PHF20: variants seen among roughly 807,000 people sequenced by gnomAD.
PHF20 encodes the protein PHD finger protein 20, also known as glioma-expressed antigen 2.
In PHF20, 23 loss-of-function variants were observed where a neutral mutation model predicts 113.5. The observed-to-expected ratio is 0.20, with a 90% CI of 0.15 to 0.29. PHF20 has a LOEUF of 0.29. PHF20 is among the 10% of genes least tolerant of loss of function. The pLI is 1.00. For missense variants in PHF20, 943 were observed against 1,219.6 expected, an observed-to-expected ratio of 0.77 and a Z score of 3.38; for synonymous variants, 434 against 457.3, an observed-to-expected ratio of 0.95 and a Z score of 0.65.
intron 10 of PHF20, among the ~76,000 whole-genome samples, chr20:35,907,573 A>C (rs1471921313): frequency 6.6e-6 from 1 of 152,208 alleles, no homozygotes; most frequent in African/African-American, 2.4e-5. Flanking sequence ...CTGACATTTG[A>C]GTACTTCATG....
intron 2 of PHF20, among the ~76,000 whole-genome samples, chr20:35,826,986 T>C (rs1323324687): frequency 6.6e-6 from 1 of 152,226 alleles, no homozygotes; most frequent in East Asian, 1.9e-4. Context: ...GTCAGCCTTT[T>C]GTTTTTTACT....
chr20:35,927,743 C>T (rs4525765), intron 13 of PHF20, 37 bp from the exon 14 acceptor site: 6 of 1,518,564 alleles, frequency 4.0e-6, no homozygotes, highest in Non-Finnish European at 5.5e-6. Flanking sequence ...AGAACACCTT[C>T]TGAGTTTAAT....
intron 9 of PHF20, among the ~76,000 whole-genome samples, chr20:35,886,406 G>A (rs2054733595): frequency 1.3e-5 from 2 of 152,118 alleles, no homozygotes; most frequent in Admixed American, 1.3e-4. Flanking sequence ...GATTACAGGT[G>A]TGAGCCACTG....
At chr20:35,802,990 A>G (rs2041810550) in intron 2 of PHF20, among the ~76,000 whole-genome samples, 1 of 149,506 alleles carries the variant, frequency 6.7e-6, no homozygotes, top group African/African-American at 2.5e-5. Flanking sequence ...GTGGTGGCTC[A>G]CGCCTATAAT....
At chr20:35,923,403 C>T (rs1218242882) in intron 13 of PHF20, among the ~76,000 whole-genome samples, 1 of 152,116 alleles carries the variant, frequency 6.6e-6, no homozygotes, top group Non-Finnish European at 1.5e-5. Flanking sequence ...GAGTTCAAAA[C>T]CAGCTTGGGC....
At chr20:35,830,210 G>A (rs945058441) in intron 2 of PHF20, among the ~76,000 whole-genome samples, 5 of 152,080 alleles carry the variant, frequency 3.3e-5, no homozygotes, top group Non-Finnish European at 5.9e-5. Flanking sequence ...CACCGTGCCC[G>A]GCCTGATTTT....
At chr20:35,792,454 G>A (rs2041576988) in intron 1 of PHF20, among the ~76,000 whole-genome samples, 1 of 152,096 alleles carries the variant, frequency 6.6e-6, no homozygotes, top group Admixed American at 6.6e-5. Context: ...CTCCCAAAGT[G>A]TTGGGATTAC....
chr20:35,814,327 C>T (rs1162535304), intron 2 of PHF20, among the ~76,000 whole-genome samples: 1 of 151,682 alleles, frequency 6.6e-6, no homozygotes, highest in African/African-American at 2.4e-5. Context: ...AAGCAATTCT[C>T]CTGCCTCAGC....
chr20:35,862,699 T>C (rs2425183), intron 5 of PHF20, among the ~76,000 whole-genome samples: 38,345 of 151,986 alleles, frequency 0.25, 5,614 homozygotes, highest in African/African-American at 0.41. Flanking sequence ...TGCCACTGCA[T>C]TCCAGCCTGG....
chr20:35,940,944 G>A lies in PHF20; in HGVS notation c.2793G>A (p.Leu931=). Residue 931 remains leucine, a synonymous_variant, in exon 17 of 18, where the codon CTG becomes CTA. Coordinates refer to ENST00000374012, the MANE Select transcript of PHF20 (RefSeq NM_016436.5). ...RKLLDRGGEG[L]LSSQHQWQFN... is the part of the protein sequence containing the mutation. ...TGCTGGACAGAGGTGGAGAGGGGCT[G>A]CTGAGCTCCCAGCACCAGTGGCAGT... 1 of 1,614,202 alleles carries A rather than the reference G, an allele frequency of 6.2e-7. No individual in the cohort carries two copies. Among genetic ancestry groups the A allele is most frequent in the Non-Finnish European group, 8.5e-7 (1 of 1,180,012 alleles).
chr20:35,899,736 A>G (rs1329177253), intron 10 of PHF20, 88 bp downstream of exon 10: 4 of 1,388,608 alleles, frequency 2.9e-6, no homozygotes, highest in Admixed American at 3.9e-5. Context: ...AGCAGGCATT[A>G]GGTTTGTCTG....
chr20:35,938,250 C>G (rs2147126202), intron 15 of PHF20, among the ~76,000 whole-genome samples: 1 of 152,260 alleles, frequency 6.6e-6, no homozygotes, highest in East Asian at 1.9e-4. Flanking sequence ...TGACTCCCTT[C>G]CCATCATGGC....
intron 9 of PHF20, among the ~76,000 whole-genome samples, chr20:35,897,609 C>T (rs1007963832): frequency 6.9e-6 from 1 of 145,304 alleles, no homozygotes; most frequent in African/African-American, 2.6e-5. Context: ...CTCTGTCGCC[C>T]AGGCTCGAGT....
intron 1 of PHF20, among the ~76,000 whole-genome samples, chr20:35,784,244 G>A (rs1281477927): frequency 6.6e-6 from 1 of 151,504 alleles, no homozygotes; most frequent in African/African-American, 2.4e-5. Flanking sequence ...AGTAGAGATG[G>A]GGTTTCACCA....
chr20:35,826,192 C>T (rs564346478), intron 2 of PHF20, among the ~76,000 whole-genome samples: 1 of 152,040 alleles, frequency 6.6e-6, no homozygotes, highest in South Asian at 2.1e-4. Flanking sequence ...TACAGGTGCC[C>T]GCCACCACAC....
At position 35,949,374 on chromosome 20, in the gene PHF20, A is replaced by G. The variant is rs1354101273; in HGVS notation, c.*1747A>G. The G allele has an allele frequency of 6.6e-6, 1 of 152,668 alleles. No individual in the cohort carries two copies. Among genetic ancestry groups the G allele is most frequent in the Non-Finnish European group, 1.5e-5 (1 of 68,042 alleles). The allele number at this position is 152,668 out of a possible 1,614,324, so 9.5% of individuals were successfully genotyped here. A position where few individuals can be genotyped will look rare whatever the true frequency, so the allele number is the denominator to read the frequency against. On this transcript the variant is annotated 3_prime_UTR_variant, in exon 18 of 18. Coordinates refer to ENST00000374012, the MANE Select transcript of PHF20 (RefSeq NM_016436.5). ...ACCTGTGAGGCGTGATGATTGTTGT[A>G]TTATTAGATTACTGATTTTTCTTTT...
chr20:35,857,218 G>C (rs981369835), intron 4 of PHF20, among the ~76,000 whole-genome samples: 1 of 152,188 alleles, frequency 6.6e-6, no homozygotes, highest in Admixed American at 6.5e-5. Flanking sequence ...GGGCAAAAAT[G>C]GGTGGGGCAT....
intron 12 of PHF20, among the ~76,000 whole-genome samples, chr20:35,916,514 C>T (rs1489577088): frequency 6.6e-6 from 1 of 152,186 alleles, no homozygotes; most frequent in African/African-American, 2.4e-5. Flanking sequence ...GTCACCCAGG[C>T]TGGAGTGCAG....
intron 1 of PHF20, chr20:35,774,500 G>A (rs1031320821): frequency 6.6e-6 from 1 of 152,114 alleles, no homozygotes; most frequent in Non-Finnish European, 1.5e-5. Flanking sequence ...CTTATTCAGG[G>A]CTTCTCAGCC....
Sources: allele counts gnomAD v4.1 joint callset (sites outside exome capture counted in the v4.1 genomes callset), GRCh38; gene constraint gnomAD v4.1.1; transcripts MANE v1.5; gene names NCBI Gene and HGNC (gene_info 2026-07-23, HGNC 2026-07-21).